The following NUBPL variants were observed in gnomAD, a reference collection of about 807,000 sequenced individuals.
The protein encoded by NUBPL is iron-sulfur cluster transfer protein NUBPL.
In NUBPL, 31 loss-of-function variants were observed where a neutral mutation model predicts 45.7. The ratio of observed to expected loss-of-function variants is 0.68; its 90% CI spans 0.51 to 0.92. The LOEUF (loss-of-function observed/expected upper bound fraction) is 0.92. Among genes scored for constraint, NUBPL ranks in the 40% least tolerant of loss-of-function variants. NUBPL has a pLI of 0.00. For synonymous variants in NUBPL, 144 were observed against 140.9 expected, an observed-to-expected ratio of 1.02 and a Z score of -0.15; for missense variants, 401 against 398.7, an observed-to-expected ratio of 1.01 and a Z score of -0.05.
At chr14:31,715,138 A>AT (rs2037659440) in intron 6 of NUBPL, among the ~76,000 whole-genome samples, 1 of 152,182 alleles carries the variant, frequency 6.6e-6, no homozygotes, top group African/African-American at 2.4e-5. Context: ...TTCAATTCTT[A>AT]TTTTAAATGA....
intron 6 of NUBPL, among the ~76,000 whole-genome samples, chr14:31,677,071 G>A (rs1272478206): frequency 6.6e-6 from 1 of 151,748 alleles, no homozygotes; most frequent in Non-Finnish European, 1.5e-5. Context: ...TAGTAGATTA[G>A]TATATTTATG....
At chr14:31,599,759 T>G (rs1203728318) in intron 4 of NUBPL, among the ~76,000 whole-genome samples, 1 of 152,002 alleles carries the variant, frequency 6.6e-6, no homozygotes, top group African/African-American at 2.4e-5. Flanking sequence ...ATAGTGGTGG[T>G]GGGTTAAATC....
intron 3 of NUBPL, among the ~76,000 whole-genome samples, chr14:31,595,811 C>T (rs2034266864): frequency 6.6e-6 from 1 of 151,920 alleles, no homozygotes; most frequent in Non-Finnish European, 1.5e-5. Flanking sequence ...ATTTTTATAG[C>T]AATGGTAACT....
intron 6 of NUBPL, among the ~76,000 whole-genome samples, chr14:31,723,509 T>C (rs1166360225): frequency 2.6e-5 from 4 of 152,216 alleles, no homozygotes; most frequent in African/African-American, 9.6e-5. Context: ...AAGACTGCCA[T>C]TGAATCTGTA....
chr14:31,642,389 T>A (rs2035729782), intron 4 of NUBPL, among the ~76,000 whole-genome samples: 2 of 152,204 alleles, frequency 1.3e-5, no homozygotes, highest in Non-Finnish European at 2.9e-5. Flanking sequence ...CTAATTTCAT[T>A]CTTCCTCATG....
At chr14:31,589,607 G>C (rs1298546842) in intron 3 of NUBPL, among the ~76,000 whole-genome samples, 1 of 151,990 alleles carries the variant, frequency 6.6e-6, no homozygotes, top group Non-Finnish European at 1.5e-5. Flanking sequence ...TATTAGATTA[G>C]CTCCTAAAGC....
intron 6 of NUBPL, among the ~76,000 whole-genome samples, chr14:31,766,470 AAT>A (rs2038914259): frequency 6.6e-6 from 1 of 152,194 alleles, no homozygotes; most frequent in Non-Finnish European, 1.5e-5. Context: ...CCAGCTGCAC[AAT>A]GTTTCCACAG....
Position 31,562,135 on chromosome 14 carries a change from A to G in NUBPL, c.176A>G (p.Lys59Arg), listed in dbSNP as rs540769784. 7.2e-5 allele frequency: 117 copies of G among 1,614,006 alleles called. 1 individual carries two copies. The South Asian group carries it at 1.2e-3, about 17-fold the overall frequency. Residue 59 changes from lysine (K) to arginine (R), a missense_variant, in exon 2 of 11, where the codon AAG becomes AGG. Transcript: ENST00000281081. The stretch of plus-strand genomic sequence containing the variant: ...CAAATCATGTCCCGAGGACTTCCAA[A>G]GCAGAAACCGATAGAAGGTGTTAAA... ...RTQIMSRGLP[K>R]QKPIEGVKQV...
chr14:31,714,703 T>G (rs963217749), intron 6 of NUBPL: 2 of 152,176 alleles, frequency 1.3e-5, no homozygotes, highest in Non-Finnish European at 2.9e-5. Context: ...CTTCCAACAT[T>G]GGGAATCACA....
chr14:31,756,291 A>G (rs749583446), intron 6 of NUBPL, among the ~76,000 whole-genome samples: 1 of 152,136 alleles, frequency 6.6e-6, no homozygotes, highest in African/African-American at 2.4e-5. Context: ...TTCCTTGGGC[A>G]GTATGGTCAT....
chr14:31,613,937 G>GATAT (rs34880140), intron 4 of NUBPL, among the ~76,000 whole-genome samples: 8 of 150,022 alleles, frequency 5.3e-5, no homozygotes, highest in African/African-American at 1.7e-4. Context: ...TTCAATAAGA[G>GATAT]ATATATATAT....
intron 6 of NUBPL, among the ~76,000 whole-genome samples, chr14:31,700,938 C>T (rs1003805259): frequency 2.0e-5 from 3 of 152,128 alleles, no homozygotes; most frequent in Non-Finnish European, 2.9e-5. Context: ...AGTGCAGGTG[C>T]GCGGCGCGGG....
chr14:31,638,987 T>G (rs1478936848), intron 4 of NUBPL, among the ~76,000 whole-genome samples: 1 of 152,210 alleles, frequency 6.6e-6, no homozygotes, highest in Non-Finnish European at 1.5e-5. Flanking sequence ...TACATTTGTC[T>G]AAATTTTTTT....
chr14:31,630,977 A>G (rs2035325976), intron 4 of NUBPL, among the ~76,000 whole-genome samples: 1 of 152,052 alleles, frequency 6.6e-6, no homozygotes, highest in Admixed American at 6.6e-5. Flanking sequence ...ATTCTGCTCC[A>G]TAAATTCCAG....
rs570446671 is a variant in NUBPL, at chr14:31,858,674, G to A, written c.898-444G>A. ...TATTACACACCATTCTCGGGGAGAT[G>A]AAGAAAATGCTTTCCTAAGATAAAC... On this transcript the variant is annotated intron_variant, in intron 10 of 10. Transcript: ENST00000281081. Among the ~76,000 whole-genome samples the A allele has an allele frequency of 4.6e-5, 7 of 152,240 alleles. No homozygotes were observed. The South Asian group carries it at 1.5e-3, about 32-fold the overall frequency.
chr14:31,755,664 T>C (rs2038644295), intron 6 of NUBPL, among the ~76,000 whole-genome samples: 1 of 152,136 alleles, frequency 6.6e-6, no homozygotes. Flanking sequence ...TTCACTCTAA[T>C]GGTAGTTTCC....
chr14:31,628,781 C>T (rs1194315690), intron 4 of NUBPL, among the ~76,000 whole-genome samples: 2 of 152,086 alleles, frequency 1.3e-5, no homozygotes, highest in East Asian at 1.9e-4. Context: ...CTGTGTACTT[C>T]CCATTTTGTC....
chr14:31,835,481 A>G (rs544061422), intron 8 of NUBPL, among the ~76,000 whole-genome samples: 1 of 152,322 alleles, frequency 6.6e-6, no homozygotes, highest in East Asian at 1.9e-4. Context: ...TCACTATGGC[A>G]GTGAAGCATG....
intron 3 of NUBPL, among the ~76,000 whole-genome samples, chr14:31,584,498 ATTCAGTGGCTT>A (rs2033945637): frequency 6.6e-6 from 1 of 152,152 alleles, no homozygotes; most frequent in African/African-American, 2.4e-5. Context: ...GAAGTGTACA[ATTCAGTGGCTT>A]TTAGTATATT....
Sources: allele counts gnomAD v4.1 joint callset (sites outside exome capture counted in the v4.1 genomes callset), GRCh38; gene constraint gnomAD v4.1.1; transcripts MANE v1.5; gene names NCBI Gene and HGNC (gene_info 2026-07-23, HGNC 2026-07-21).